The following LRRC8D variants were observed in gnomAD, a reference collection of about 807,000 sequenced individuals.
The protein encoded by LRRC8D is leucine rich repeat containing 8 VRAC subunit D.
Under a neutral mutation model 55.8 loss-of-function variants are expected in LRRC8D, and 20 were observed. The observed-to-expected ratio is 0.36, with a 90% CI of 0.25 to 0.52. The LOEUF (loss-of-function observed/expected upper bound fraction) is 0.52, where lower values mean the gene tolerates loss of function less well. Ranked by LOEUF, LRRC8D falls within the 20% of genes least tolerant of loss-of-function variation. The pLI, the probability that LRRC8D is intolerant of heterozygous loss-of-function variation, is 0.93. For synonymous variants in LRRC8D, 352 were observed against 377.0 expected, an observed-to-expected ratio of 0.93 and a Z score of 0.77; for missense variants, 651 against 1,030.8, an observed-to-expected ratio of 0.63 and a Z score of 5.05.
At chr1:89,833,459 A>G (rs980255566) in intron 1 of LRRC8D, among the ~76,000 whole-genome samples, 24 of 152,198 alleles carry the variant, frequency 1.6e-4, no homozygotes, top group African/African-American at 5.8e-4. Flanking sequence ...CAACTGGTAG[A>G]TTTGGTGAGC....
At chr1:89,868,462 A>G (rs1016806684) in intron 2 of LRRC8D, among the ~76,000 whole-genome samples, 1 of 152,192 alleles carries the variant, frequency 6.6e-6, no homozygotes, top group Admixed American at 6.5e-5. Context: ...CACATGCATG[A>G]AAGGTATATG....
chr1:89,893,372 A>C (rs1357880216), intron 2 of LRRC8D, among the ~76,000 whole-genome samples: 1 of 152,234 alleles, frequency 6.6e-6, no homozygotes, highest in East Asian at 1.9e-4. Context: ...TTACTTGAAA[A>C]ATATTCGTTA....
intron 2 of LRRC8D, among the ~76,000 whole-genome samples, chr1:89,871,332 C>G (rs572506271): frequency 1.2e-4 from 18 of 152,116 alleles, no homozygotes; most frequent in African/African-American, 4.3e-4. Context: ...TGATTACTTG[C>G]GGTTGAATCG....
At chr1:89,895,222 C>G (rs1662676686) in intron 2 of LRRC8D, among the ~76,000 whole-genome samples, 1 of 152,116 alleles carries the variant, frequency 6.6e-6, no homozygotes, top group Non-Finnish European at 1.5e-5. Context: ...AAAAGATAAG[C>G]CTACTATATT....
intron 2 of LRRC8D, among the ~76,000 whole-genome samples, chr1:89,850,709 G>C (rs76948212): frequency 0.032 from 4,832 of 152,160 alleles, 243 homozygotes; most frequent in African/African-American, 0.11. Context: ...GGACATTTAG[G>C]TTGACTCCAT....
rs547309784 is a variant in LRRC8D at position 89,919,864 on chromosome 1, C to A, written c.-2-13203C>A. ...TCCCCAGAACCCTATAGCAAAAACT[C>A]CATAATTATTTGTTAAAGTTTCTAG... On this transcript the variant is annotated intron_variant, in intron 2 of 2. Transcript: ENST00000337338. 9.2e-5 allele frequency among the ~76,000 whole-genome samples: 14 copies of A among 152,246 alleles called. 1 individual carries two copies. In the East Asian group the frequency reaches 1.7e-3, roughly 19 times the overall value.
intron 2 of LRRC8D, among the ~76,000 whole-genome samples, chr1:89,861,528 A>T (rs552092062): frequency 6.6e-6 from 1 of 152,240 alleles, no homozygotes; most frequent in East Asian, 1.9e-4. Flanking sequence ...CTTAGGGCCT[A>T]CTAGTGGTGC....
chr1:89,925,334 T>C (rs1004059414), intron 2 of LRRC8D, among the ~76,000 whole-genome samples: 1 of 152,178 alleles, frequency 6.6e-6, no homozygotes, highest in African/African-American at 2.4e-5. Flanking sequence ...TTCCACATTA[T>C]GGTGAGTTGT....
chr1:89,841,399 C>CCT (rs1553122461), intron 1 of LRRC8D, among the ~76,000 whole-genome samples: 1 of 150,814 alleles, frequency 6.6e-6, no homozygotes, highest in African/African-American at 2.4e-5. Flanking sequence ...CAAGACCACC[C>CCT]CCCCCCTTTT....
At chr1:89,846,920 AAATT>A (rs1453658533) in intron 2 of LRRC8D, among the ~76,000 whole-genome samples, 1 of 152,152 alleles carries the variant, frequency 6.6e-6, no homozygotes, top group Non-Finnish European at 1.5e-5. Context: ...ATATCCCAGA[AAATT>A]AATTAATTAG....
At chr1:89,924,553 A>G (rs1208353389) in intron 2 of LRRC8D, among the ~76,000 whole-genome samples, 1 of 152,238 alleles carries the variant, frequency 6.6e-6, no homozygotes, top group Admixed American at 6.5e-5. Context: ...CAACCCAGCA[A>G]TCTCTATTGT....
chr1:89,889,121 G>A (rs1015397529), intron 2 of LRRC8D, among the ~76,000 whole-genome samples: 17 of 152,182 alleles, frequency 1.1e-4, no homozygotes, highest in Admixed American at 5.2e-4. Flanking sequence ...TGGTAAGTCA[G>A]GCTAGTGTTT....
intron 1 of LRRC8D, among the ~76,000 whole-genome samples, chr1:89,835,379 A>G (rs551805897): frequency 3.9e-5 from 6 of 152,262 alleles, no homozygotes; most frequent in East Asian, 1.9e-4. Context: ...TGTAGGTTCT[A>G]TGGTTTGCTT....
At chr1:89,904,396 G>A (rs560518606) in intron 2 of LRRC8D, among the ~76,000 whole-genome samples, 5 of 152,342 alleles carry the variant, frequency 3.3e-5, no homozygotes, top group African/African-American at 1.2e-4. Flanking sequence ...CTGCCTGCTG[G>A]TCTGGTTCCT....
At chr1:89,845,718 A>G (rs1230177619) in intron 2 of LRRC8D, among the ~76,000 whole-genome samples, 1 of 151,236 alleles carries the variant, frequency 6.6e-6, no homozygotes, top group Non-Finnish European at 1.5e-5. Context: ...AGGCCACCAC[A>G]CTCAGCCAGT....
intron 2 of LRRC8D, among the ~76,000 whole-genome samples, chr1:89,871,001 C>G (rs1570841657): frequency 6.6e-6 from 1 of 152,082 alleles, no homozygotes; most frequent in East Asian, 1.9e-4. Context: ...TAAGTTGGTT[C>G]CTGGGATGAG....
rs1361943127 is a variant in LRRC8D at position 89,934,425 on chromosome 1, C to T, written c.1357C>T (p.His453Tyr). The change falls in exon 3 of 3, where the codon CAT (histidine) becomes TAT (tyrosine). Residue 453 changes from histidine (H) to tyrosine (Y), a missense_variant. Physicochemically the swap from His to Tyr is moderately conservative, Grantham distance 83 (BLOSUM62 2). Transcript: ENST00000337338. This position sits in a 1 kb window ranked among gnomAD's most constrained non-coding sequence, Gnocchi z 5.9. ...TAAACTTAGGGAAATTAGTTTGAAC[C>T]ATGAGTGGACATTTGAAAAACTCAG... ...ENKLREISLN[H>Y]EWTFEKLRQH... 1 of 1,613,974 alleles carries T rather than the reference C, an allele frequency of 6.2e-7. No homozygotes were observed. Among genetic ancestry groups the T allele is most frequent in the Admixed American group, 1.7e-5 (1 of 60,006 alleles).
At chr1:89,909,090 C>T (rs558816318) in intron 2 of LRRC8D, among the ~76,000 whole-genome samples, 7 of 152,002 alleles carry the variant, frequency 4.6e-5, no homozygotes, top group Admixed American at 3.3e-4. Flanking sequence ...TGAGATGGCT[C>T]GCTCTCTTTC....
intron 2 of LRRC8D, among the ~76,000 whole-genome samples, chr1:89,873,185 C>T (rs1662064548): frequency 1.3e-5 from 2 of 152,134 alleles, no homozygotes; most frequent in African/African-American, 4.8e-5. Flanking sequence ...AACCTGTCCT[C>T]TTTGAAAAAT....
Sources: gnomAD v4.1 joint callset for allele counts (sites outside exome capture counted in the v4.1 genomes callset) on GRCh38, gnomAD v4.1.1 for gene constraint, Gnocchi (gnomAD v3.1) non-coding constraint, MANE v1.5 for transcripts, NCBI Gene and HGNC (gene_info 2026-07-23, HGNC 2026-07-21) for gene names.